XPO1: variants seen among roughly 807,000 people sequenced by gnomAD.
XPO1 encodes exportin 1.
In XPO1, 5 loss-of-function variants were observed where a neutral mutation model predicts 133.3. The observed-to-expected ratio is 0.04, with a 90% CI of 0.02 to 0.08. The LOEUF (loss-of-function observed/expected upper bound fraction) is 0.08, where lower values mean the gene tolerates loss of function less well. Ranked by LOEUF, XPO1 falls within the 10% of genes least tolerant of loss-of-function variation. The pLI is 1.00. For synonymous variants in XPO1, 419 were observed against 408.2 expected, an observed-to-expected ratio of 1.03 and a Z score of -0.32; for missense variants, 506 against 1,267.5, an observed-to-expected ratio of 0.40 and a Z score of 9.12.
intron 17 of XPO1, 51 bp from the exon 18 acceptor site, chr2:61,488,822 C>G: frequency 3.1e-6 from 5 of 1,588,828 alleles, no homozygotes; most frequent in Non-Finnish European, 4.3e-6. Context: ...TTATCCACGG[C>G]TGGGAACAGT....
rs761447374 is a variant in XPO1, at chr2:61,481,275, T to C, written c.2979A>G (p.Gln993=). 1.2e-6 allele frequency: 2 copies of C among 1,607,210 alleles called. No individual in the cohort carries two copies. Among genetic ancestry groups the C allele is most frequent in the South Asian group, 1.1e-5 (1 of 90,014 alleles). Residue 993 remains glutamine (Q), a synonymous_variant, in exon 24 of 25, where the codon CAA becomes CAG. Coordinates refer to ENST00000401558, the MANE Select transcript of XPO1 (RefSeq NM_003400.4). ...AAAGCCCTGTCACAAAGAGCTTTAC[T>C]TGAGCACTGCAAATCAAAACACAAT... ...KSAFPHLQDA[Q]VKLFVTGLFS... is the part of the protein sequence containing the mutation.
At chr2:61,513,014 C>T (rs770755612) in intron 4 of XPO1, among the ~76,000 whole-genome samples, 1 of 151,208 alleles carries the variant, frequency 6.6e-6, no homozygotes, top group Non-Finnish European at 1.5e-5. Flanking sequence ...AATATATAAA[C>T]CTTGACCCTT....
In XPO1 at chr2:61,488,712, T is replaced by C. The variant is rs1573117455; in HGVS notation, c.2082A>G (p.Thr694=). ...TVKQLGSILK[T]NVRACKAVGH... Reference sequence around the variant, plus strand: ...CAACAGCTTTGCAGGCTCTCACATTTGTTTTCAAAATGCTACCAAGCTGCT... The same window carrying C: ...CAACAGCTTTGCAGGCTCTCACATTCGTTTTCAAAATGCTACCAAGCTGCT... Residue 694 remains threonine, a synonymous_variant, in exon 18 of 25, where the codon ACA becomes ACG. Coordinates refer to ENST00000401558, the MANE Select transcript of XPO1 (RefSeq NM_003400.4). The C allele has an allele frequency of 6.2e-7, 1 of 1,614,220 alleles. No homozygotes were observed. Among genetic ancestry groups the C allele is most frequent in the Non-Finnish European group, 8.5e-7 (1 of 1,180,042 alleles).
At position 61,482,905 on chromosome 2, in the gene XPO1, G is replaced by GA. The variant is rs1156772211; in HGVS notation, c.2812+51dup. On this transcript the variant is annotated intron_variant, in intron 22 of 24. Coordinates refer to ENST00000401558, the MANE Select transcript of XPO1 (RefSeq NM_003400.4). ...CCCAAAGTGCTGGGATTATAGGCGT[G>GA]AGGCCCTGTGCCCAGCTGGCACTTA... The GA allele has an allele frequency of 5.0e-6, 8 of 1,607,752 alleles. No homozygotes were observed. The Admixed American group carries it at 1.2e-4, about 24-fold the overall frequency.
At chr2:61,532,288 T>A (rs1195012963) in intron 2 of XPO1, among the ~76,000 whole-genome samples, 3 of 151,604 alleles carry the variant, frequency 2.0e-5, no homozygotes, top group Admixed American at 2.0e-4. Context: ...CCACCACGCC[T>A]GGCTAATTTT....
At chr2:61,504,140 A>G (rs1184459285) in intron 4 of XPO1, among the ~76,000 whole-genome samples, 1 of 152,166 alleles carries the variant, frequency 6.6e-6, no homozygotes. Context: ...CACACACACA[A>G]TGTTAAAAAA....
intron 22 of XPO1, 62 bp from the exon 23 acceptor site, chr2:61,482,601 T>G (rs3771264): frequency 0.13 from 170,974 of 1,365,424 alleles, 10,792 homozygotes; most frequent in African/African-American, 0.31. Context: ...CTTAGCGTTT[T>G]TTTTTGTTTT....
chr2:61,480,763 T>C (rs1696308137), intron 24 of XPO1, among the ~76,000 whole-genome samples: 1 of 152,132 alleles, frequency 6.6e-6, no homozygotes. Flanking sequence ...TAAAGCAAGA[T>C]GTTCAAAGAA....
At chr2:61,506,659 C>T (rs1436165625) in intron 4 of XPO1, among the ~76,000 whole-genome samples, 1 of 150,124 alleles carries the variant, frequency 6.7e-6, no homozygotes, top group Non-Finnish European at 1.5e-5. Flanking sequence ...TACACTCAAG[C>T]CTGGGCGACA....
At chr2:61,519,711 A>C (rs965583039) in intron 4 of XPO1, among the ~76,000 whole-genome samples, 1 of 151,078 alleles carries the variant, frequency 6.6e-6, no homozygotes, top group East Asian at 1.9e-4. Flanking sequence ...AAAAAAAAAA[A>C]AAAAAAAAAA....
At chr2:61,514,795 C>T (rs1208810436) in intron 4 of XPO1, among the ~76,000 whole-genome samples, 2 of 152,004 alleles carry the variant, frequency 1.3e-5, no homozygotes, top group East Asian at 3.8e-4. Flanking sequence ...TCCATATGGG[C>T]TGGGCGCAGT....
chr2:61,484,552 T>A, intron 20 of XPO1: 1 of 155,772 alleles, frequency 6.4e-6, no homozygotes, highest in Non-Finnish European at 1.4e-5. Flanking sequence ...GACTGCAACC[T>A]CCGCCTCCTG....
intron 19 of XPO1, among the ~76,000 whole-genome samples, chr2:61,486,847 C>T (rs1342100878): frequency 6.6e-6 from 1 of 152,044 alleles, no homozygotes; most frequent in East Asian, 1.9e-4. Flanking sequence ...GCCATGTTGC[C>T]TAAACTGGAC....
chr2:61,505,542 C>T (rs534439377), intron 4 of XPO1, among the ~76,000 whole-genome samples: 71 of 151,994 alleles, frequency 4.7e-4, no homozygotes, highest in Admixed American at 1.8e-3. Flanking sequence ...CAAGTAGATG[C>T]CACTATGTCT....
chr2:61,536,408 A>C (rs964623392), intron 1 of XPO1: 1 of 152,264 alleles, frequency 6.6e-6, no homozygotes, highest in Admixed American at 6.5e-5. Flanking sequence ...TTCAATCCTA[A>C]AATCCACTCA....
chr2:61,537,323 G>A (rs1699395900), intron 1 of XPO1, among the ~76,000 whole-genome samples: 1 of 150,616 alleles, frequency 6.6e-6, no homozygotes, highest in Non-Finnish European at 1.5e-5. Context: ...ACCCGCACAC[G>A]CGAATGACCC....
chr2:61,503,633 C>G (rs989711290), intron 4 of XPO1, among the ~76,000 whole-genome samples: 4 of 152,002 alleles, frequency 2.6e-5, no homozygotes, highest in African/African-American at 2.4e-5. Context: ...ACCGTGTTAG[C>G]CAGGATGGTC....
chr2:61,483,403 A>C (rs1325799284), intron 21 of XPO1: 2 of 257,842 alleles, frequency 7.8e-6, no homozygotes, highest in Non-Finnish European at 7.4e-6. Flanking sequence ...GACTACACAT[A>C]AGGTGGAGTT....
chr2:61,531,354 T>A (rs1699147129), intron 2 of XPO1, among the ~76,000 whole-genome samples: 1 of 152,224 alleles, frequency 6.6e-6, no homozygotes, highest in Non-Finnish European at 1.5e-5. Flanking sequence ...CTATTGTCCT[T>A]ACAAACAAAA....
Sources: allele counts gnomAD v4.1 joint callset (sites outside exome capture counted in the v4.1 genomes callset), GRCh38; gene constraint gnomAD v4.1.1; transcripts MANE v1.5; gene names NCBI Gene and HGNC (gene_info 2026-07-23, HGNC 2026-07-21).